CAMK2B: variants seen among roughly 807,000 people sequenced by gnomAD.
CAMK2B encodes calcium/calmodulin-dependent protein kinase type II subunit beta.
CAMK2B carries 27 observed loss-of-function variants against 93.7 expected under a neutral mutation model. That is an observed-to-expected ratio of 0.29 (90% confidence interval 0.21 to 0.40). The LOEUF is 0.40. Ranked by LOEUF, CAMK2B falls within the 10% of genes least tolerant of loss-of-function variation. The probability of loss-of-function intolerance (pLI) is 1.00; values close to 1 mark genes in which losing one functional copy is unlikely to be tolerated. For synonymous variants in CAMK2B, 374 were observed against 358.8 expected (o/e 1.04, Z -0.48); for missense variants, 568 against 895.8 (o/e 0.63, Z 4.67).
At chr7:44,313,095 C>A (rs1793975943) in intron 1 of CAMK2B, among the ~76,000 whole-genome samples, 1 of 152,106 alleles carries the variant, frequency 6.6e-6, no homozygotes, top group Admixed American at 6.5e-5. Flanking sequence ...TTCTCACTAG[C>A]CACTGGGCCC....
chr7:44,229,001 G>A, intron 18 of CAMK2B, 77 bp from the exon 19 acceptor site: 2 of 1,412,798 alleles, frequency 1.4e-6, no homozygotes, highest in Non-Finnish European at 2.0e-6. Context: ...GAGGCCAGTG[G>A]GAGGGGTCCC....
intron 2 of CAMK2B, among the ~76,000 whole-genome samples, chr7:44,264,457 G>A (rs1246529630): frequency 6.6e-6 from 1 of 152,080 alleles, no homozygotes; most frequent in African/African-American, 2.4e-5. Context: ...GCATCCCCTG[G>A]CTCCCCCCTC....
intron 4 of CAMK2B, among the ~76,000 whole-genome samples, chr7:44,257,530 G>A (rs2096844722): frequency 6.6e-6 from 1 of 152,230 alleles, no homozygotes; most frequent in Admixed American, 6.5e-5. Flanking sequence ...CCACCCCACA[G>A]TCTCCATTTC....
intron 2 of CAMK2B, among the ~76,000 whole-genome samples, chr7:44,281,499 G>C (rs1401291510): frequency 6.6e-6 from 1 of 152,188 alleles, no homozygotes; most frequent in African/African-American, 2.4e-5. Context: ...CAGGACAGCA[G>C]AGGCAGCTCG....
intron 2 of CAMK2B, among the ~76,000 whole-genome samples, chr7:44,283,810 T>C (rs1005339345): frequency 2.0e-5 from 3 of 152,138 alleles, no homozygotes; most frequent in East Asian, 1.9e-4. Flanking sequence ...ATACACGGGA[T>C]GGGGAGGTGA....
At chr7:44,238,063 C>T (rs1343435288) in intron 13 of CAMK2B, among the ~76,000 whole-genome samples, 1 of 152,240 alleles carries the variant, frequency 6.6e-6, no homozygotes, top group Non-Finnish European at 1.5e-5. Context: ...TGGTACTAGA[C>T]TCAGCTGCCA....
At position 44,271,969 on chromosome 7, in the gene CAMK2B, G is replaced by A. The variant is rs1584454960; in HGVS notation, c.161-8905C>T. The stretch of plus-strand genomic sequence containing the variant: ...CTCATGGCACCCATGAAACAGGGCT[G>A]TTGCTGCGTCACCCCAGCTTTCAGA... On this transcript the variant is annotated intron_variant, in intron 2 of 23. Transcript: ENST00000395749. The surrounding 1 kb of genome is among the most constrained non-coding windows in gnomAD (Gnocchi z 4.2). Among the ~76,000 whole-genome samples, 1 of 152,258 alleles carries A rather than the reference G, an allele frequency of 6.6e-6. No individual in the cohort carries two copies. Among genetic ancestry groups the A allele is most frequent in the African/African-American group, 2.4e-5 (1 of 41,472 alleles).
At position 44,220,089 on chromosome 7, in the gene CAMK2B, C is replaced by A; in HGVS notation, c.1974G>T (p.Ser658=). 1 of 1,604,276 alleles carries A rather than the reference C, an allele frequency of 6.2e-7. No homozygotes were observed. Among genetic ancestry groups the A allele is most frequent in the East Asian group, 2.2e-5 (1 of 44,550 alleles). Residue 658 remains serine, a synonymous_variant, in exon 23 of 24, where the codon TCG becomes TCT. Coordinates refer to ENST00000395749, the MANE Select transcript of CAMK2B (RefSeq NM_001220.5). Reference sequence around the variant, plus strand: ...ACTGCAGCGGGGCCACAGGCGCGCCCGAGCAGTGGAAGTGCACGTTCTGCC... The same window carrying A: ...ACTGCAGCGGGGCCACAGGCGCGCCAGAGCAGTGGAAGTGCACGTTCTGCC... The part of the protein sequence containing the change: ...GKWQNVHFHC[S]GAPVAPLQ
At position 44,218,643 on chromosome 7, in the gene CAMK2B, C is replaced by T. The variant is rs2096362954; in HGVS notation, c.*882G>A. On this transcript the variant is annotated 3_prime_UTR_variant, in exon 24 of 24. Coordinates refer to ENST00000395749, the MANE Select transcript of CAMK2B (RefSeq NM_001220.5). Reference sequence around the variant, plus strand: ...CAGCCCAGGCAGAGTCCTCTTGCCACAGCTGGCTGTGTTGGAGCTGTAGCC... The same window carrying T: ...CAGCCCAGGCAGAGTCCTCTTGCCATAGCTGGCTGTGTTGGAGCTGTAGCC... 6.6e-6 allele frequency: 1 copy of T among 152,324 alleles called. No individual in the cohort carries two copies. The highest frequency in any genetic ancestry group is 2.4e-5 in the African/African-American group (1 of 41,476). 9.4% of individuals were successfully genotyped at this position (152,324 alleles called of 1,614,324 possible).
At chr7:44,263,178 T>C in intron 2 of CAMK2B, 114 bp from the exon 3 acceptor site, 1 of 951,794 alleles carries the variant, frequency 1.1e-6, no homozygotes, top group East Asian at 2.5e-5. Context: ...ACGAGAGGAG[T>C]GGTTGTGCCC....
intron 2 of CAMK2B, among the ~76,000 whole-genome samples, chr7:44,267,842 A>T (rs1005409733): frequency 6.6e-6 from 1 of 152,266 alleles, no homozygotes; most frequent in African/African-American, 2.4e-5. Flanking sequence ...GCCTGCAATT[A>T]TCCGCCTGCC....
At position 44,248,556 on chromosome 7, in the gene CAMK2B, C is replaced by T. The variant is rs369544407; in HGVS notation, c.342-1364G>A. On this transcript the variant is annotated intron_variant, in intron 5 of 23. Transcript: ENST00000395749. This position sits in a 1 kb window ranked among gnomAD's most constrained non-coding sequence, Gnocchi z 4.1. ...GTCTCAGTCACCGCCCCACTGGGCA[C>T]GGTCAAGGGAGGGACAGGAAGACCC... 2.0e-5 allele frequency among the ~76,000 whole-genome samples: 3 copies of T among 152,176 alleles called. No homozygotes were observed. The highest frequency in any genetic ancestry group is 2.9e-5 in the Non-Finnish European group (2 of 68,022).
intron 1 of CAMK2B, among the ~76,000 whole-genome samples, chr7:44,295,750 G>A (rs1788118982): frequency 6.6e-6 from 1 of 152,158 alleles, no homozygotes; most frequent in African/African-American, 2.4e-5. Flanking sequence ...CCTGCCCTCA[G>A]GAGAAATTAT....
chr7:44,311,178 C>A lies in CAMK2B; in HGVS notation c.65+14179G>T, dbSNP rs748795342. 6.6e-6 allele frequency among the ~76,000 whole-genome samples: 1 copy of A among 152,152 alleles called. No homozygotes were observed. The highest frequency in any genetic ancestry group is 1.5e-5 in the Non-Finnish European group (1 of 68,036). ...AACCTCTGCAACCCCCTGGTTCAAG[C>A]GATTCTCCTGCCTCAACCTCCTGAG... On this transcript the variant is annotated intron_variant, in intron 1 of 23. Transcript: ENST00000395749. This position sits in a 1 kb window ranked among gnomAD's most constrained non-coding sequence, Gnocchi z 4.2.
intron 4 of CAMK2B, 146 bp downstream of exon 4, chr7:44,258,726 G>C (rs759740102): frequency 7.0e-6 from 5 of 713,504 alleles, no homozygotes; most frequent in Non-Finnish European, 1.2e-5. Flanking sequence ...ACAGCTTGGA[G>C]CAAGGGGACC....
At position 44,225,642 on chromosome 7, in the gene CAMK2B, G is replaced by A. The variant is rs2096466255; in HGVS notation, c.1597+874C>T. On this transcript the variant is annotated intron_variant, in intron 20 of 23. Coordinates refer to ENST00000395749, the MANE Select transcript of CAMK2B (RefSeq NM_001220.5). This position sits in a 1 kb window ranked among gnomAD's most constrained non-coding sequence, Gnocchi z 5.0. ...CAGCCTGCATCCCCCTCCTCGAGCC[G>A]CTGCTCCTGTGGGTTCACTCTCCCC... 1.8e-5 allele frequency: 17 copies of A among 929,448 alleles called. No individual in the cohort carries two copies. The highest frequency in any genetic ancestry group is 2.1e-5 in the Non-Finnish European group (14 of 670,002). 57.6% of individuals were successfully genotyped at this position (929,448 alleles called of 1,614,324 possible).
At chr7:44,283,699 A>G (rs1784332653) in intron 2 of CAMK2B, among the ~76,000 whole-genome samples, 1 of 152,192 alleles carries the variant, frequency 6.6e-6, no homozygotes, top group Non-Finnish European at 1.5e-5. Flanking sequence ...CTGAGCTCTC[A>G]TCTGGCCCAC....
Position 44,239,616 on chromosome 7 carries a change from C to G in CAMK2B, c.994G>C (p.Gly332Arg), listed in dbSNP as rs560190297. 1 of 1,531,960 alleles carries G rather than the reference C, an allele frequency of 6.5e-7. No individual in the cohort carries two copies. The highest frequency in any genetic ancestry group is 1.2e-5 in the South Asian group (1 of 83,730). 94.9% of individuals were successfully genotyped at this position (1,531,960 alleles called of 1,614,324 possible). A position where few individuals can be genotyped will look rare whatever the true frequency, so the allele number is the denominator to read the frequency against. ...TGTTCCACCAGCCCCATGGTGGTGC[C>G]GGAGGCCGCGGTGGACATTGTGGCC... ...APATMSTAAS[G>R]TTMGLVEQAK... The change falls in exon 13 of 24, where the codon GGC becomes CGC. Residue 332 changes from glycine to arginine, a missense_variant. Coordinates refer to ENST00000395749, the MANE Select transcript of CAMK2B (RefSeq NM_001220.5).
intron 2 of CAMK2B, among the ~76,000 whole-genome samples, chr7:44,278,761 A>G (rs891278317): frequency 6.6e-5 from 10 of 152,220 alleles, no homozygotes; most frequent in African/African-American, 2.4e-4. Flanking sequence ...GGGACACCAA[A>G]GCAACACCCA....
Sources: gnomAD v4.1 joint callset for allele counts (sites outside exome capture counted in the v4.1 genomes callset) on GRCh38, gnomAD v4.1.1 for gene constraint, Gnocchi (gnomAD v3.1) non-coding constraint, MANE v1.5 for transcripts, NCBI Gene and HGNC (gene_info 2026-07-23, HGNC 2026-07-21) for gene names.